Variants in APOOL observed in about 807,000 individuals in gnomAD.
APOOL encodes MICOS complex subunit MIC27.
A neutral mutation model predicts 23.1 loss-of-function variants in APOOL; 12 were observed. The observed-to-expected ratio is 0.52, with a 90% CI of 0.33 to 0.84. The LOEUF (loss-of-function observed/expected upper bound fraction) is 0.84, where lower values mean the gene tolerates loss of function less well. Ranked by LOEUF, APOOL falls within the 40% of genes least tolerant of loss-of-function variation. APOOL has a pLI of 0.02. For synonymous variants in APOOL, 77 were observed against 69.9 expected, an observed-to-expected ratio of 1.10 and a Z score of -0.51; for missense variants, 212 against 199.6, an observed-to-expected ratio of 1.06 and a Z score of -0.37.
intron 8 of APOOL, among the ~76,000 whole-genome samples, chrX:85,085,861 TATC>T (rs1278704658): frequency 8.9e-6 from 1 of 111,962 alleles, no homozygotes; most frequent in Non-Finnish European, 1.9e-5. Context: ...CTGCTATAAA[TATC>T]ATTTTAAAGA....
intron 5 of APOOL, among the ~76,000 whole-genome samples, chrX:85,060,951 C>G (rs1923192485): frequency 9.0e-6 from 1 of 111,081 alleles, no homozygotes; most frequent in African/African-American, 3.3e-5. Context: ...GCTTCCCTGT[C>G]TTGTGCCAGT....
Position 85,092,554 on chromosome X carries a change from A to G in APOOL, c.*4876A>G, listed in dbSNP as rs1451538571. 4 of 1,204,656 alleles carry G rather than the reference A, an allele frequency of 3.3e-6. No homozygotes were observed. The Admixed American group carries it at 8.9e-5, about 27-fold the overall frequency. ...GTGCATGCAGTTACATTGAGTTGTG[A>G]TGGCTATCTGTTTAAAAACAAACAA... On this transcript the variant is annotated 3_prime_UTR_variant, in exon 9 of 9. Coordinates refer to ENST00000373173, the MANE Select transcript of APOOL (RefSeq NM_198450.6).
At chrX:85,008,590 C>T (rs1402456704) in intron 1 of APOOL, among the ~76,000 whole-genome samples, 1 of 78,341 alleles carries the variant, frequency 1.3e-5, no homozygotes, top group Non-Finnish European at 2.6e-5. Context: ...ACAGTTTCTT[C>T]ATCCGTTGAT....
chrX:85,036,545 A>G (rs188961773), intron 1 of APOOL, among the ~76,000 whole-genome samples: 153 of 111,575 alleles, frequency 1.4e-3, no homozygotes, highest in African/African-American at 4.6e-3. Context: ...GTCTTATTAT[A>G]GTTGTCAAAG....
intron 1 of APOOL, among the ~76,000 whole-genome samples, chrX:85,032,782 A>G (rs912956255): frequency 2.7e-5 from 3 of 111,726 alleles, no homozygotes; most frequent in East Asian, 5.6e-4. Context: ...TCATAATACA[A>G]CCACACTGAT....
At chrX:85,084,917 A>G (rs1924237865) in intron 8 of APOOL, among the ~76,000 whole-genome samples, 1 of 111,051 alleles carries the variant, frequency 9.0e-6, no homozygotes, top group Non-Finnish European at 1.9e-5. Context: ...TGCCTACTAT[A>G]TAGTGTTTTC....
chrX:85,021,447 T>A (rs770131511), intron 1 of APOOL, among the ~76,000 whole-genome samples: 1 of 107,832 alleles, frequency 9.3e-6, no homozygotes, highest in Admixed American at 9.9e-5. Flanking sequence ...AGCACCAAGC[T>A]CCATGCTGGC....
chrX:85,036,181 G>A, intron 1 of APOOL, among the ~76,000 whole-genome samples: 1 of 111,922 alleles, frequency 8.9e-6, no homozygotes, highest in Non-Finnish European at 1.9e-5. Flanking sequence ...TCTGATTGTA[G>A]AGATCTTTCA....
intron 1 of APOOL, among the ~76,000 whole-genome samples, chrX:85,025,551 C>T (rs1921811138): frequency 1.8e-5 from 2 of 112,237 alleles, no homozygotes; most frequent in Admixed American, 1.9e-4. Flanking sequence ...AAATAAAAGA[C>T]AGGTTTTTTA....
At chrX:85,035,968 T>C (rs897568109) in intron 1 of APOOL, among the ~76,000 whole-genome samples, 3 of 112,539 alleles carry the variant, frequency 2.7e-5, no homozygotes, top group African/African-American at 9.7e-5. Flanking sequence ...TGGGCTTGTT[T>C]TTGATTCCAT....
In APOOL at chrX:85,003,918, G is replaced by T. The variant is rs2042788425; in HGVS notation, c.6G>T (p.Ala2=). The change falls in exon 1 of 9, where the codon GCG becomes GCT. Residue 2 remains alanine, a synonymous_variant. Coordinates refer to ENST00000373173, the MANE Select transcript of APOOL (RefSeq NM_198450.6). M[A]AIRMGKLTTM... ...TGGCCGAAAGGGTTGTAGACATGGC[G>T]GCCATCAGGGTAAGCGAAAACCAAC... The T allele has an allele frequency of 8.3e-7, 1 of 1,211,623 alleles. No homozygotes were observed. Among genetic ancestry groups the T allele is most frequent in the Non-Finnish European group, 1.1e-6 (1 of 895,383 alleles).
At chrX:85,019,694 A>G (rs191234738) in intron 1 of APOOL, among the ~76,000 whole-genome samples, 1 of 111,585 alleles carries the variant, frequency 9.0e-6, no homozygotes, top group East Asian at 2.8e-4. Flanking sequence ...AGTGATTAAG[A>G]CATGGTCTTG....
At position 85,088,375 on chromosome X, in the gene APOOL, C is replaced by T. The variant is rs1198880226; in HGVS notation, c.*697C>T. 2 of 69,861 alleles carry T rather than the reference C, an allele frequency of 2.9e-5. No individual in the cohort carries two copies. Among genetic ancestry groups the T allele is most frequent in the Non-Finnish European group, 4.8e-5 (2 of 41,579 alleles). The allele number at this position is 69,861 out of a possible 1,213,427, so 5.8% of individuals were successfully genotyped here. A position where few individuals can be genotyped will look rare whatever the true frequency, so the allele number is the denominator to read the frequency against. ...TTTCCTAGAGCTGGAATAAAATATC[C>T]ATGTTTTATGGGACTTGAGCTTGGC... On this transcript the variant is annotated 3_prime_UTR_variant, in exon 9 of 9. Transcript: ENST00000373173.
intron 1 of APOOL, among the ~76,000 whole-genome samples, chrX:85,018,939 G>A (rs1289727959): frequency 1.8e-5 from 1 of 56,264 alleles, no homozygotes; most frequent in East Asian, 5.6e-4. Context: ...ATATTTCCTT[G>A]ATGTTTTCAT....
At chrX:85,011,700 G>A (rs187897715) in intron 1 of APOOL, among the ~76,000 whole-genome samples, 156 of 111,687 alleles carry the variant, frequency 1.4e-3, no homozygotes, top group African/African-American at 4.9e-3. Flanking sequence ...ATTGGTCTAC[G>A]TGCCTACTTT....
At chrX:85,050,577 T>C (rs1303779234) in intron 2 of APOOL, among the ~76,000 whole-genome samples, 7 of 104,265 alleles carry the variant, frequency 6.7e-5, no homozygotes, top group Non-Finnish European at 1.4e-4. Context: ...CCAGGCTTCA[T>C]AGGAGGATTT....
At chrX:85,055,725 A>G in intron 4 of APOOL, 102 bp from the exon 5 acceptor site, 2 of 546,091 alleles carry the variant, frequency 3.7e-6, no homozygotes, top group Non-Finnish European at 5.6e-6. Flanking sequence ...TTTAAACCTC[A>G]TTATTATCTT....
chrX:85,074,337 C>A lies in APOOL; in HGVS notation c.664C>A (p.Pro222Thr). The A allele has an allele frequency of 8.3e-7, 1 of 1,210,653 alleles. No homozygotes were observed. Among genetic ancestry groups the A allele is most frequent in the Non-Finnish European group, 1.1e-6 (1 of 894,456 alleles). Reference protein sequence around the residue: ...KTTHVLKHSVPLPTELSSEAK... With the variant: ...KTTHVLKHSVTLPTELSSEAK... ...AACTCACGTCTTGAAACACTCAGTG[C>A]CCTTGCCAACAGAACTCAGCTCTGA... Residue 222 changes from proline (P) to threonine (T), a missense_variant, in exon 8 of 9, where the codon CCC becomes ACC. By Grantham distance (38) the Pro-to-Thr change is conservative. Coordinates refer to ENST00000373173, the MANE Select transcript of APOOL (RefSeq NM_198450.6).
rs373402237 is a variant in APOOL, at chrX:85,023,682, C to T, written c.15+19755C>T. ...TTCCAACGCTATAATAATAAAAAAGCTTGGCACTGGCATTAATACATACAC... is the reference window on the plus strand; with the variant it reads ...TTCCAACGCTATAATAATAAAAAAGTTTGGCACTGGCATTAATACATACAC... On this transcript the variant is annotated intron_variant, in intron 1 of 8. Transcript: ENST00000373173. Among the ~76,000 whole-genome samples the T allele has an allele frequency of 1.2e-4, 14 of 112,058 alleles. No homozygotes were observed. In the South Asian group the frequency reaches 1.8e-3, roughly 15 times the overall value.
Sources: allele counts gnomAD v4.1 joint callset (sites outside exome capture counted in the v4.1 genomes callset), GRCh38; gene constraint gnomAD v4.1.1; transcripts MANE v1.5; gene names NCBI Gene and HGNC (gene_info 2026-07-23, HGNC 2026-07-21).